CLCN4: variants seen among roughly 807,000 people sequenced by gnomAD.
CLCN4 encodes Cl-/H+ antiporter 4.
Under a neutral mutation model 41.7 loss-of-function variants are expected in CLCN4, and 1 was observed. The ratio of observed to expected loss-of-function variants is 0.02; its 90% CI spans 0.01 to 0.11. CLCN4 has a LOEUF of 0.11. Among genes scored for constraint, CLCN4 ranks in the 10% least tolerant of loss-of-function variants. CLCN4 has a pLI of 1.00. For synonymous variants in CLCN4, 277 were observed against 285.8 expected (o/e 0.97, Z 0.31); for missense variants, 287 against 661.0 (o/e 0.43, Z 6.20).
intron 2 of CLCN4, among the ~76,000 whole-genome samples, chrX:10,169,620 T>A (rs1923333765): frequency 8.9e-6 from 1 of 111,904 alleles, no homozygotes; most frequent in Non-Finnish European, 1.9e-5. Flanking sequence ...CTTTTTAAAA[T>A]TTTTTAATTT....
At chrX:10,207,029 C>T (rs943759134) in intron 8 of CLCN4, among the ~76,000 whole-genome samples, 1 of 110,911 alleles carries the variant, frequency 9.0e-6, no homozygotes, top group African/African-American at 3.3e-5. Flanking sequence ...AAGCAATTCT[C>T]CTGTCCCAGC....
In CLCN4 at chrX:10,206,378, C is replaced by A. The variant is rs1309096147; in HGVS notation, c.576C>A (p.Gly192=). 1 of 1,207,895 alleles carries A rather than the reference C, an allele frequency of 8.3e-7. No homozygotes were observed. The highest frequency in any genetic ancestry group is 1.8e-5 in the African/African-American group (1 of 57,103). Residue 192 remains glycine, a synonymous_variant, in exon 7 of 13, where the codon GGC becomes GGA. Coordinates refer to ENST00000380833, the MANE Select transcript of CLCN4 (RefSeq NM_001830.4). ...TTCAGATAAAGACCATTTTGAGCGG[C>A]TTTATCATCAGGGGCTACTTGGGGA... ...GIPEIKTILS[G]FIIRGYLGKW...
At chrX:10,178,125 G>T (rs1397203447) in intron 2 of CLCN4, among the ~76,000 whole-genome samples, 1 of 108,756 alleles carries the variant, frequency 9.2e-6, no homozygotes, top group Non-Finnish European at 1.9e-5. Flanking sequence ...TATATTAGTG[G>T]CTGCCTAGGC....
intron 4 of CLCN4, among the ~76,000 whole-genome samples, chrX:10,192,646 T>C (rs1281545468): frequency 8.9e-6 from 1 of 111,733 alleles, no homozygotes; most frequent in African/African-American, 3.3e-5. Flanking sequence ...TGGGTAACCA[T>C]GGCAGGGCTT....
At chrX:10,211,234 C>T (rs1171731791) in intron 9 of CLCN4, among the ~76,000 whole-genome samples, 1 of 79,094 alleles carries the variant, frequency 1.3e-5, no homozygotes, top group Admixed American at 2.1e-4. Context: ...CCACTGCACA[C>T]GGGCCTGGGC....
At position 10,209,186 on chromosome X, in the gene CLCN4, G is replaced by T. The variant is rs921314437; in HGVS notation, c.1389+596G>T. On this transcript the variant is annotated intron_variant, in intron 9 of 12. Transcript: ENST00000380833. ...AGTGAGTGTGTCCCCCGTCTGGGTA[G>T]GGCTGGGCATGACAGGGGCTCTTTG... 4.6e-4 allele frequency among the ~76,000 whole-genome samples: 51 copies of T among 110,542 alleles called. 1 individual carries two copies. Among genetic ancestry groups the T allele is most frequent in the Non-Finnish European group, 1.9e-5 (1 of 52,865 alleles).
At chrX:10,167,307 C>T (rs961147242) in intron 2 of CLCN4, among the ~76,000 whole-genome samples, 4 of 111,570 alleles carry the variant, frequency 3.6e-5, no homozygotes, top group African/African-American at 1.3e-4. Context: ...TCCTGGCCAC[C>T]TCATCATCCT....
At position 10,212,587 on chromosome X, in the gene CLCN4, T is replaced by C. The variant is rs1438186642; in HGVS notation, c.1510T>C (p.Cys504Arg). Reference sequence around the variant, plus strand: ...TGACTGGATCATCTTCAGGAACTGGTGCAGACCCGGTGCAGACTGTGTCAC... The same window carrying C: ...TGACTGGATCATCTTCAGGAACTGGCGCAGACCCGGTGCAGACTGTGTCAC... Reference protein sequence around the residue: ...HHDWIIFRNWCRPGADCVTPG... With the variant: ...HHDWIIFRNWRRPGADCVTPG... Residue 504 changes from cysteine (C) to arginine (R), a missense_variant, in exon 10 of 13, where the codon TGC becomes CGC. By Grantham distance (180) the Cys-to-Arg change is radical. This residue lies in a region of CLCN4 where 94 missense variants were observed against 177.9 expected (regional missense o/e 0.53). Coordinates refer to ENST00000380833, the MANE Select transcript of CLCN4 (RefSeq NM_001830.4). The C allele has an allele frequency of 8.3e-7, 1 of 1,211,637 alleles. No individual in the cohort carries two copies.
intron 12 of CLCN4, among the ~76,000 whole-genome samples, chrX:10,222,043 G>T (rs1924874362): frequency 8.9e-6 from 1 of 112,944 alleles, no homozygotes; most frequent in Admixed American, 9.3e-5. Context: ...TGCTCAGATT[G>T]TTCCTGATAT....
At chrX:10,157,174 T>G in intron 1 of CLCN4, 74 bp downstream of exon 1, 1 of 289,046 alleles carries the variant, frequency 3.5e-6, no homozygotes, top group East Asian at 4.9e-5. Flanking sequence ...CTTTGTTGAT[T>G]TTTAAAATCT....
rs375486326 is a variant in CLCN4 at position 10,236,412 on chromosome X, T to C, written c.*2828T>C. On this transcript the variant is annotated 3_prime_UTR_variant, in exon 13 of 13. Transcript: ENST00000380833. Reference sequence around the variant, plus strand: ...ATTGTGGGGTTCAGGCTCTCCTCAATAGAAGGCCAGAGTTGGACAGGTGGA... The same window carrying C: ...ATTGTGGGGTTCAGGCTCTCCTCAACAGAAGGCCAGAGTTGGACAGGTGGA... 8.9e-6 allele frequency: 1 copy of C among 112,023 alleles called. No homozygotes were observed. The highest frequency in any genetic ancestry group is 9.4e-5 in the Admixed American group (1 of 10,596). 9.2% of individuals were successfully genotyped at this position (112,023 alleles called of 1,213,427 possible). A position where few individuals can be genotyped will look rare whatever the true frequency, so the allele number is the denominator to read the frequency against.
intron 9 of CLCN4, among the ~76,000 whole-genome samples, chrX:10,210,623 T>G (rs908582974): frequency 9.2e-6 from 1 of 108,684 alleles, no homozygotes; most frequent in East Asian, 2.9e-4. Context: ...ATTACACACA[T>G]GCGCCATTGT....
chrX:10,206,668 A>G (rs1924396028), intron 7 of CLCN4, 28 bp from the exon 8 acceptor site: 3 of 1,197,434 alleles, frequency 2.5e-6, no homozygotes, highest in African/African-American at 3.5e-5. Context: ...AAGGCCTTGA[A>G]GCTTATGTAG....
Position 10,220,888 on chromosome X carries a change from G to A in CLCN4, c.2192+11G>A, listed in dbSNP as rs201459564. ...GGTGACGCGGAGCGGGTGAGTAGCC[G>A]GACATGTGGCCAGAATGACCTAGGG... On this transcript the variant is annotated intron_variant, in intron 12 of 12. Coordinates refer to ENST00000380833, the MANE Select transcript of CLCN4 (RefSeq NM_001830.4). The A allele has an allele frequency of 2.4e-5, 29 of 1,187,171 alleles. No individual in the cohort carries two copies. The East Asian group carries it at 4.8e-4, about 19-fold the overall frequency.
intron 6 of CLCN4, among the ~76,000 whole-genome samples, chrX:10,201,301 T>G (rs1248013748): frequency 1.8e-5 from 2 of 111,822 alleles, no homozygotes; most frequent in Non-Finnish European, 3.8e-5. Flanking sequence ...TAACTCTATA[T>G]AAGTGCGTGA....
rs1305711418 is a variant in CLCN4, at chrX:10,158,390, C to G, written c.-173C>G. ...CTCCCGGGACTTCCAGGGTCTTCCC[C>G]CCACCCCGCGCACACCTCCCTGCCT... is the stretch of plus-strand genomic sequence containing the variant. On this transcript the variant is annotated 5_prime_UTR_variant, in exon 2 of 13. Transcript: ENST00000380833. The G allele has an allele frequency of 3.4e-6, 1 of 297,078 alleles. No homozygotes were observed. The highest frequency in any genetic ancestry group is 5.9e-6 in the Non-Finnish European group (1 of 169,657). 24.5% of individuals were successfully genotyped at this position (297,078 alleles called of 1,213,427 possible).
chrX:10,208,809 G>C (rs1334829260), intron 9 of CLCN4, among the ~76,000 whole-genome samples: 1 of 111,885 alleles, frequency 8.9e-6, no homozygotes, highest in East Asian at 2.8e-4. Context: ...TTACAACTGA[G>C]GAAACTAAGG....
chrX:10,202,922 C>T (rs16986006), intron 6 of CLCN4, among the ~76,000 whole-genome samples: 2,314 of 111,624 alleles, frequency 0.021, 60 homozygotes, highest in African/African-American at 0.071. Flanking sequence ...GTCACAAATC[C>T]GCTGCAGTAC....
chrX:10,174,402 C>T (rs1217041744), intron 2 of CLCN4, among the ~76,000 whole-genome samples: 1 of 112,418 alleles, frequency 8.9e-6, no homozygotes, highest in African/African-American at 3.2e-5. Context: ...TATTTTGGAC[C>T]ACTCTAGCAG....
Sources: gnomAD v4.1 joint callset for allele counts (sites outside exome capture counted in the v4.1 genomes callset) on GRCh38, gnomAD v4.1.1 for gene constraint, gnomAD v4.1.1 regional missense constraint, MANE v1.5 for transcripts, NCBI Gene and HGNC (gene_info 2026-07-23, HGNC 2026-07-21) for gene names.